ZNF521: variants seen among roughly 807,000 people sequenced by gnomAD.
The protein encoded by ZNF521 is zinc finger protein 521, also known as LYST-interacting protein 3.
In ZNF521, 14 loss-of-function variants were observed where a neutral mutation model predicts 105.5. The ratio of observed to expected loss-of-function variants is 0.13; its 90% confidence interval spans 0.09 to 0.21. ZNF521 has a LOEUF of 0.21. Among genes scored for constraint, ZNF521 ranks in the 10% least tolerant of loss-of-function variants. The probability of loss-of-function intolerance (pLI) is 1.00; values close to 1 mark genes in which losing one functional copy is unlikely to be tolerated. For missense variants in ZNF521, 1,233 were observed against 1,629.7 expected (o/e 0.76, Z 4.19); for synonymous variants, 635 against 606.0 (o/e 1.05, Z -0.70).
At chr18:25,331,315 TG>T (rs1170818411) in intron 2 of ZNF521, among the ~76,000 whole-genome samples, 1 of 135,374 alleles carries the variant, frequency 7.4e-6, no homozygotes, top group Non-Finnish European at 1.7e-5. Context: ...ACTTTAAAAC[TG>T]CTAAAAAAAA....
rs369504383 is a variant in ZNF521, at chr18:25,224,738, G to A, written c.3180C>T (p.His1060=). The A allele has an allele frequency of 1.5e-5, 25 of 1,613,794 alleles. No homozygotes were observed. The East Asian group carries it at 1.6e-4, about 10-fold the overall frequency. ...SAVQTTGRGQ[H]VQKLYKCASC... ...ATGCGCACTTATACAGTTTTTGGAC[G>A]TGCTGGCCCCGCCCTGTGGTCTGAA... is the stretch of plus-strand genomic sequence containing the variant. The change falls in exon 4 of 8, where the codon CAC becomes CAT. Residue 1060 remains histidine, a synonymous_variant. Transcript: ENST00000361524.
Position 25,351,456 on chromosome 18 carries a change from G to GCCC in ZNF521, c.-1-512_-1-510dup, listed in dbSNP as rs67914033. 20 of 138,328 alleles carry GCCC rather than the reference G, an allele frequency of 1.4e-4. 1 individual carries two copies. The East Asian group carries it at 3.0e-3, about 21-fold the overall frequency. 8.6% of individuals were successfully genotyped at this position (138,328 alleles called of 1,614,324 possible). On this transcript the variant is annotated intron_variant, in intron 1 of 7. Coordinates refer to ENST00000361524, the MANE Select transcript of ZNF521 (RefSeq NM_015461.3). ...ACCGCTTTTCCTTTTCAACAAATCC[G>GCCC]CCCCCCCCCCCACCGGAAAAAAACA... is the stretch of plus-strand genomic sequence containing the variant.
At chr18:25,337,510 T>C (rs966646211) in intron 2 of ZNF521, among the ~76,000 whole-genome samples, 4 of 152,042 alleles carry the variant, frequency 2.6e-5, no homozygotes, top group Non-Finnish European at 2.9e-5. Context: ...ATACAAATAG[T>C]TTATAAACAA....
chr18:25,170,323 A>T (rs1039791132), intron 5 of ZNF521, among the ~76,000 whole-genome samples: 21 of 152,062 alleles, frequency 1.4e-4, no homozygotes, highest in African/African-American at 4.3e-4. Context: ...AGAGCATCTC[A>T]TTCCCTATTC....
chr18:25,213,458 C>A (rs538340523), intron 4 of ZNF521, among the ~76,000 whole-genome samples: 2 of 151,744 alleles, frequency 1.3e-5, no homozygotes, highest in Admixed American at 1.3e-4. Flanking sequence ...TAATTGATTT[C>A]CTGAAATTGA....
intron 4 of ZNF521, among the ~76,000 whole-genome samples, chr18:25,198,657 T>C (rs2035941570): frequency 6.6e-6 from 1 of 151,894 alleles, no homozygotes; most frequent in Non-Finnish European, 1.5e-5. Flanking sequence ...GACTATTACA[T>C]CAATTTCTTT....
chr18:25,203,455 A>G (rs559394438), intron 4 of ZNF521, among the ~76,000 whole-genome samples: 55 of 152,232 alleles, frequency 3.6e-4, no homozygotes, highest in African/African-American at 1.2e-3. Flanking sequence ...CATCTCCACA[A>G]AATATTAAAA....
At chr18:25,166,924 A>C (rs747781356) in intron 5 of ZNF521, among the ~76,000 whole-genome samples, 9 of 152,344 alleles carry the variant, frequency 5.9e-5, no homozygotes, top group Non-Finnish European at 1.2e-4. Flanking sequence ...TATTGAGCTA[A>C]TATGCTATTA....
intron 5 of ZNF521, among the ~76,000 whole-genome samples, chr18:25,129,901 T>C (rs1478927210): frequency 6.6e-6 from 1 of 152,156 alleles, no homozygotes; most frequent in Non-Finnish European, 1.5e-5. Context: ...TACAAAATTA[T>C]ACTGCCTCAC....
intron 3 of ZNF521, among the ~76,000 whole-genome samples, chr18:25,314,181 G>C (rs1402971808): frequency 1.3e-5 from 2 of 151,914 alleles, no homozygotes; most frequent in Non-Finnish European, 2.9e-5. Context: ...CTAATGGTTT[G>C]ATAAGGAAAA....
At chr18:25,305,381 G>A (rs1911922355) in intron 3 of ZNF521, among the ~76,000 whole-genome samples, 1 of 152,138 alleles carries the variant, frequency 6.6e-6, no homozygotes, top group Non-Finnish European at 1.5e-5. Context: ...TAAGCTACAA[G>A]GATAAAATGT....
At chr18:25,221,791 T>C (rs1303421696) in intron 4 of ZNF521, among the ~76,000 whole-genome samples, 1 of 152,202 alleles carries the variant, frequency 6.6e-6, no homozygotes, top group Non-Finnish European at 1.5e-5. Flanking sequence ...TATAGAAATT[T>C]AACTTGGCTA....
At chr18:25,100,473 T>A (rs1043561321) in intron 5 of ZNF521, among the ~76,000 whole-genome samples, 1 of 152,132 alleles carries the variant, frequency 6.6e-6, no homozygotes, top group Admixed American at 6.5e-5. Context: ...AAAGCACACG[T>A]CATATCTGCA....
intron 3 of ZNF521, among the ~76,000 whole-genome samples, chr18:25,298,300 T>C (rs1365216891): frequency 2.0e-5 from 3 of 152,218 alleles, no homozygotes; most frequent in South Asian, 2.1e-4. Context: ...TGCCAATTAA[T>C]GAACCTTGGA....
At chr18:25,189,845 C>G (rs919095384) in intron 5 of ZNF521, among the ~76,000 whole-genome samples, 2 of 152,294 alleles carry the variant, frequency 1.3e-5, no homozygotes, top group Non-Finnish European at 2.9e-5. Flanking sequence ...GTTTGTTATT[C>G]TGCCTGGTTC....
chr18:25,182,648 C>T (rs1014727650), intron 5 of ZNF521, among the ~76,000 whole-genome samples: 81 of 152,190 alleles, frequency 5.3e-4, no homozygotes, highest in African/African-American at 1.9e-3. Context: ...CATAATGAAA[C>T]CTATGTTTCT....
intron 3 of ZNF521, among the ~76,000 whole-genome samples, chr18:25,286,758 T>C (rs947323274): frequency 2.0e-5 from 3 of 152,026 alleles, no homozygotes; most frequent in Admixed American, 6.6e-5. Context: ...ATCAGAAATT[T>C]AATTAAACGA....
intron 5 of ZNF521, among the ~76,000 whole-genome samples, chr18:25,145,338 G>A (rs1426825285): frequency 2.0e-5 from 3 of 152,042 alleles, no homozygotes; most frequent in Non-Finnish European, 4.4e-5. Flanking sequence ...TGAGAGTACT[G>A]AATTCTTGAA....
chr18:25,284,916 A>ACACACACACACACAC (rs1568055534), intron 3 of ZNF521, among the ~76,000 whole-genome samples: 2 of 151,948 alleles, frequency 1.3e-5, no homozygotes, highest in Non-Finnish European at 2.9e-5. Context: ...GCGCGCACAC[A>ACACACACACACACAC]CACACACACA....
Sources: allele counts gnomAD v4.1 joint callset (sites outside exome capture counted in the v4.1 genomes callset), GRCh38; gene constraint gnomAD v4.1.1; transcripts MANE v1.5; gene names NCBI Gene and HGNC (gene_info 2026-07-23, HGNC 2026-07-21).